TLE1: variants seen among roughly 807,000 people sequenced by gnomAD.
The protein encoded by TLE1 is transducin-like enhancer protein 1.
In TLE1, 21 loss-of-function variants were observed where a neutral mutation model predicts 89.8. The observed-to-expected ratio is 0.23, with a 90% confidence interval of 0.17 to 0.34. The LOEUF (loss-of-function observed/expected upper bound fraction) is 0.34. Ranked by LOEUF, TLE1 falls within the 10% of genes least tolerant of loss-of-function variation. The probability of loss-of-function intolerance (pLI) is 1.00; values close to 1 mark genes in which losing one functional copy is unlikely to be tolerated. For synonymous variants in TLE1, 447 were observed against 407.6 expected, an observed-to-expected ratio of 1.10 and a Z score of -1.16; for missense variants, 795 against 1,031.2, an observed-to-expected ratio of 0.77 and a Z score of 3.14.
In TLE1 at chr9:81,665,460, ACTC is replaced by A. The variant is rs552402108; in HGVS notation, c.235-11427_235-11425del. Among the ~76,000 whole-genome samples, 30 of 149,464 alleles carry A rather than the reference ACTC, an allele frequency of 2.0e-4. No individual in the cohort carries two copies. The South Asian group carries it at 5.9e-3, about 30-fold the overall frequency. On this transcript the variant is annotated intron_variant, in intron 4 of 19. Transcript: ENST00000376499. ...AACTGGGCCCAGATACTATCCTTTCACTCCTCATCTTTCACACTCGCAGTTCTC... is the reference window on the plus strand; with the variant it reads ...AACTGGGCCCAGATACTATCCTTTCACTCATCTTTCACACTCGCAGTTCTC...
intron 17 of TLE1, 25 bp downstream of exon 17, chr9:81,587,656 G>C (rs1179909936): frequency 6.3e-7 from 1 of 1,596,076 alleles, no homozygotes; most frequent in South Asian, 1.1e-5. Context: ...CCAGACTCCA[G>C]GGCAGGCGGA....
At chr9:81,659,355 G>A (rs1299029127) in intron 4 of TLE1, among the ~76,000 whole-genome samples, 1 of 152,144 alleles carries the variant, frequency 6.6e-6, no homozygotes, top group African/African-American at 2.4e-5. Context: ...TTCCCACCTA[G>A]AAATAATTTT....
intron 8 of TLE1, among the ~76,000 whole-genome samples, chr9:81,628,174 G>A (rs1254288595): frequency 6.6e-6 from 1 of 152,176 alleles, no homozygotes; most frequent in East Asian, 1.9e-4. Flanking sequence ...GCAAATGGCG[G>A]TGGGAGGAGG....
chr9:81,633,816 GT>G (rs1352754898), intron 7 of TLE1: 2 of 480,774 alleles, frequency 4.2e-6, no homozygotes, highest in African/African-American at 3.9e-5. Flanking sequence ...GCAGTTAACA[GT>G]TTTCCATAAT....
At chr9:81,663,181 GGA>G (rs1299785318) in intron 4 of TLE1, among the ~76,000 whole-genome samples, 7 of 152,248 alleles carry the variant, frequency 4.6e-5, no homozygotes, top group African/African-American at 9.6e-5. Context: ...CATCAGGAAG[GGA>G]GATAAGCGCC....
At chr9:81,682,452 T>G (rs994650848) in intron 4 of TLE1, among the ~76,000 whole-genome samples, 6 of 152,160 alleles carry the variant, frequency 3.9e-5, no homozygotes, top group African/African-American at 1.4e-4. Context: ...CATTGAAAAC[T>G]GTTCATTACT....
At chr9:81,652,136 C>T (rs757740185) in intron 6 of TLE1, 78 bp downstream of exon 6, 13 of 1,399,298 alleles carry the variant, frequency 9.3e-6, no homozygotes, top group African/African-American at 2.8e-5. Flanking sequence ...CACACACACA[C>T]ACGTAAAGCC....
chr9:81,589,459 A>G (rs911639), intron 16 of TLE1, among the ~76,000 whole-genome samples: 130,382 of 152,158 alleles, frequency 0.86, 56,474 homozygotes, highest in Non-Finnish European at 0.92. Context: ...GCCACCTGTG[A>G]GTGGTCCAGA....
intron 14 of TLE1, among the ~76,000 whole-genome samples, chr9:81,597,677 C>T (rs1024207541): frequency 3.9e-5 from 6 of 152,172 alleles, no homozygotes; most frequent in African/African-American, 7.2e-5. Context: ...ATCGCTTCTG[C>T]TTCTGAAGTC....
At chr9:81,625,777 A>T (rs933487532) in intron 8 of TLE1, among the ~76,000 whole-genome samples, 1 of 152,046 alleles carries the variant, frequency 6.6e-6, no homozygotes, top group Non-Finnish European at 1.5e-5. Context: ...GGTAGCAAAG[A>T]CCCAGCCACT....
chr9:81,619,614 G>A (rs569321373), intron 9 of TLE1, among the ~76,000 whole-genome samples: 40 of 152,302 alleles, frequency 2.6e-4, no homozygotes, highest in South Asian at 1.2e-3. Context: ...CATCAGGGAC[G>A]TAGCCCCATT....
At chr9:81,611,635 CT>C in intron 13 of TLE1, 133 bp downstream of exon 13, 1 of 857,314 alleles carries the variant, frequency 1.2e-6, no homozygotes, top group Non-Finnish European at 1.6e-6. Context: ...GACTGGGCGT[CT>C]TTGTCTCCGA....
At chr9:81,612,041 TA>T in intron 12 of TLE1, 82 bp from the exon 13 acceptor site, 1 of 1,123,728 alleles carries the variant, frequency 8.9e-7, no homozygotes, top group Non-Finnish European at 1.2e-6. Flanking sequence ...CATCATTTGT[TA>T]GTGTCACTCA....
rs551409172 is a variant in TLE1 at position 81,681,108 on chromosome 9, A to C, written c.234+4568T>G. 5.9e-5 allele frequency among the ~76,000 whole-genome samples: 9 copies of C among 152,318 alleles called. No homozygotes were observed. In the South Asian group the frequency reaches 1.7e-3, roughly 28 times the overall value. ...TTTTAAAGCACACATCAAAACTGTAAAAGCAGTTTCACTCCAAAATTTACA... is the reference window on the plus strand; with the variant it reads ...TTTTAAAGCACACATCAAAACTGTACAAGCAGTTTCACTCCAAAATTTACA... On this transcript the variant is annotated intron_variant, in intron 4 of 19. Transcript: ENST00000376499.
intron 8 of TLE1, among the ~76,000 whole-genome samples, chr9:81,626,859 T>C (rs1825965674): frequency 6.6e-6 from 1 of 152,184 alleles, no homozygotes; most frequent in Non-Finnish European, 1.5e-5. Flanking sequence ...AAACAAACTC[T>C]GGAGCAGACA....
At chr9:81,656,630 A>G (rs1453979936) in intron 4 of TLE1, among the ~76,000 whole-genome samples, 1 of 152,218 alleles carries the variant, frequency 6.6e-6, no homozygotes. Flanking sequence ...TGAGAGACAC[A>G]TTTTAATACC....
chr9:81,680,173 G>A (rs1023977173), intron 4 of TLE1, among the ~76,000 whole-genome samples: 1 of 152,208 alleles, frequency 6.6e-6, no homozygotes, highest in African/African-American at 2.4e-5. Flanking sequence ...TCATTATACA[G>A]AGAGGGGAAC....
chr9:81,602,469 C>T (rs897327364), intron 14 of TLE1, among the ~76,000 whole-genome samples: 2 of 152,174 alleles, frequency 1.3e-5, no homozygotes, highest in East Asian at 3.9e-4. Flanking sequence ...TCATACAGAC[C>T]TTATGCACTT....
At chr9:81,614,016 T>C (rs1439230907) in intron 11 of TLE1, among the ~76,000 whole-genome samples, 3 of 150,700 alleles carry the variant, frequency 2.0e-5, no homozygotes, top group African/African-American at 4.9e-5. Context: ...CACGCCATTC[T>C]CCTGCCTCTG....
Sources: gnomAD v4.1 joint callset for allele counts (sites outside exome capture counted in the v4.1 genomes callset) on GRCh38, gnomAD v4.1.1 for gene constraint, MANE v1.5 for transcripts, NCBI Gene and HGNC (gene_info 2026-07-23, HGNC 2026-07-21) for gene names.